The following ARHGAP42 variants were observed in gnomAD, a reference collection of about 807,000 sequenced individuals.
ARHGAP42 encodes Rho GTPase activating protein 42, also known as rho GTPase-activating protein 42.
Under a neutral mutation model 125.0 loss-of-function variants are expected in ARHGAP42, and 63 were observed. The ratio of observed to expected loss-of-function variants is 0.50; its 90% CI spans 0.41 to 0.62. The LOEUF (loss-of-function observed/expected upper bound fraction) is 0.62. ARHGAP42 is among the 20% of genes least tolerant of loss of function. ARHGAP42 has a pLI of 0.00. For missense variants in ARHGAP42, 766 were observed against 1,024.2 expected (o/e 0.75, Z 3.44); for synonymous variants, 339 against 351.0 (o/e 0.97, Z 0.38).
At chr11:100,878,983 T>A (rs1424102281) in intron 4 of ARHGAP42, among the ~76,000 whole-genome samples, 1 of 5,682 alleles carries the variant, frequency 1.8e-4, no homozygotes, top group Non-Finnish European at 2.6e-4. Flanking sequence ...ACATGAACAA[T>A]TTTTTTTTTT....
chr11:100,878,427 G>T (rs1379594641), intron 4 of ARHGAP42, among the ~76,000 whole-genome samples: 1 of 152,130 alleles, frequency 6.6e-6, no homozygotes, highest in Non-Finnish European at 1.5e-5. Context: ...GGAGGGAATA[G>T]GTCCTCTGTA....
intron 3 of ARHGAP42, among the ~76,000 whole-genome samples, chr11:100,859,025 T>C (rs560841469): frequency 2.0e-5 from 3 of 152,220 alleles, no homozygotes; most frequent in South Asian, 4.1e-4. Context: ...TGGAATCAAA[T>C]ACTATTTTAG....
intron 1 of ARHGAP42, among the ~76,000 whole-genome samples, chr11:100,708,726 A>C (rs1220981460): frequency 6.6e-6 from 1 of 152,192 alleles, no homozygotes; most frequent in Non-Finnish European, 1.5e-5. Context: ...ACACTTAAAA[A>C]AATATAAATA....
chr11:100,896,753 G>A (rs1033412302), intron 4 of ARHGAP42, among the ~76,000 whole-genome samples: 1 of 152,122 alleles, frequency 6.6e-6, no homozygotes, highest in African/African-American at 2.4e-5. Context: ...TTTGTCAGAT[G>A]GGTAGATTGC....
intron 1 of ARHGAP42, among the ~76,000 whole-genome samples, chr11:100,764,865 AG>A: frequency 6.6e-6 from 1 of 152,326 alleles, no homozygotes; most frequent in Middle Eastern, 3.4e-3. Flanking sequence ...TGGGTAGGTT[AG>A]GTTTACAAAT....
intron 1 of ARHGAP42, among the ~76,000 whole-genome samples, chr11:100,761,297 T>C (rs1862695821): frequency 6.6e-6 from 1 of 152,134 alleles, no homozygotes; most frequent in Admixed American, 6.5e-5. Flanking sequence ...GAAAGTCCTC[T>C]GAAGTCAAGA....
chr11:100,787,250 C>A (rs1040358340), intron 2 of ARHGAP42, among the ~76,000 whole-genome samples: 1 of 151,740 alleles, frequency 6.6e-6, no homozygotes. Flanking sequence ...TGTACTCCAG[C>A]CTGGGGAACA....
intron 4 of ARHGAP42, among the ~76,000 whole-genome samples, chr11:100,863,097 G>T (rs952183393): frequency 6.7e-6 from 1 of 149,698 alleles, no homozygotes; most frequent in African/African-American, 2.5e-5. Context: ...CAAAAAAAAG[G>T]CATGTTCTTC....
intron 12 of ARHGAP42, among the ~76,000 whole-genome samples, chr11:100,952,806 T>C (rs521216): frequency 0.88 from 131,097 of 148,714 alleles, 57,894 homozygotes; most frequent in East Asian, 1. Flanking sequence ...CAGCTCACTG[T>C]AACCTCCGCC....
intron 1 of ARHGAP42, among the ~76,000 whole-genome samples, chr11:100,765,554 A>G (rs1862810430): frequency 2.0e-5 from 3 of 152,182 alleles, no homozygotes; most frequent in Admixed American, 2.0e-4. Context: ...TTTATATTAA[A>G]TGCTTACAGA....
chr11:100,968,117 G>T (rs1435932185), intron 17 of ARHGAP42, among the ~76,000 whole-genome samples: 1 of 151,964 alleles, frequency 6.6e-6, no homozygotes, highest in African/African-American at 2.4e-5. Flanking sequence ...AGTTCTTCTG[G>T]CTTTCATTTG....
Position 100,858,086 on chromosome 11 carries a change from G to GGTGTGTGTGTGTGT in ARHGAP42, c.313-1443_313-1430dup, listed in dbSNP as rs201861404. 4.1e-3 allele frequency among the ~76,000 whole-genome samples: 448 copies of GGTGTGTGTGTGTGT among 108,982 alleles called. 5 individuals are homozygous for GGTGTGTGTGTGTGT. The highest frequency in any genetic ancestry group is 0.017 in the East Asian group (60 of 3,554). The allele number at this position is 108,982 out of a possible 152,430, so 71.5% of individuals were successfully genotyped here. A position where few individuals can be genotyped will look rare whatever the true frequency, so the allele number is the denominator to read the frequency against. The stretch of plus-strand genomic sequence containing the variant: ...GTCGCATCTGTACAATCTGGATAGG[G>GGTGTGTGTGTGTGT]GTGTGTGTGTGTGTGTGTGTGTGTG... On this transcript the variant is annotated intron_variant, in intron 3 of 23. Transcript: ENST00000298815.
chr11:100,910,443 C>T (rs1194908321), intron 4 of ARHGAP42, among the ~76,000 whole-genome samples: 4 of 151,938 alleles, frequency 2.6e-5, no homozygotes, highest in Non-Finnish European at 5.9e-5. Context: ...AGAAAACATC[C>T]CATTACAGTA....
intron 17 of ARHGAP42, among the ~76,000 whole-genome samples, chr11:100,966,112 A>G (rs1418067298): frequency 4.6e-5 from 7 of 152,128 alleles, no homozygotes; most frequent in African/African-American, 1.2e-4. Flanking sequence ...AATGAGTTTG[A>G]AGACCAGTGC....
At chr11:100,709,838 T>C (rs1861531889) in intron 1 of ARHGAP42, among the ~76,000 whole-genome samples, 1 of 152,154 alleles carries the variant, frequency 6.6e-6, no homozygotes, top group Non-Finnish European at 1.5e-5. Context: ...CAGAAGGAAA[T>C]TGGATCATGT....
chr11:100,729,639 T>A (rs1014673316), intron 1 of ARHGAP42, among the ~76,000 whole-genome samples: 1 of 152,126 alleles, frequency 6.6e-6, no homozygotes, highest in African/African-American at 2.4e-5. Context: ...AAATTAAAGC[T>A]AACTTTAAAA....
At chr11:100,737,741 C>T (rs1862097786) in intron 1 of ARHGAP42, among the ~76,000 whole-genome samples, 1 of 152,214 alleles carries the variant, frequency 6.6e-6, no homozygotes. Flanking sequence ...CCCTGTTAAA[C>T]TTAAAGCAGA....
At chr11:100,845,028 G>A (rs2135118392) in intron 3 of ARHGAP42, among the ~76,000 whole-genome samples, 1 of 151,534 alleles carries the variant, frequency 6.6e-6, no homozygotes, top group African/African-American at 2.4e-5. Flanking sequence ...GCAAAAACGT[G>A]GATACAACCC....
At chr11:100,856,567 C>T (rs1456067500) in intron 3 of ARHGAP42, among the ~76,000 whole-genome samples, 1 of 152,082 alleles carries the variant, frequency 6.6e-6, no homozygotes, top group Non-Finnish European at 1.5e-5. Flanking sequence ...CAGCCACTGA[C>T]TGCACACAAA....
Sources: allele counts gnomAD v4.1 joint callset (sites outside exome capture counted in the v4.1 genomes callset), GRCh38; gene constraint gnomAD v4.1.1; transcripts MANE v1.5; gene names NCBI Gene and HGNC (gene_info 2026-07-23, HGNC 2026-07-21).